Variants in C2orf76 observed in about 807,000 individuals in gnomAD.
C2orf76 encodes UPF0538 protein C2orf76.
A neutral mutation model predicts 16.9 loss-of-function variants in C2orf76; 23 were observed. That is an observed-to-expected ratio of 1.36 (90% CI 0.98 to 1.93). C2orf76 has a LOEUF of 1.93. C2orf76 is among the 30% of genes most tolerant of loss of function. C2orf76 has a pLI of 0.00. For synonymous variants in C2orf76, 48 were observed against 52.3 expected (o/e 0.92, Z 0.35); for missense variants, 152 against 152.6 (o/e 1.00, Z 0.02).
Position 119,353,163 on chromosome 2 carries a change from CA to C in C2orf76, c.-12-13193del, listed in dbSNP as rs143456052. On this transcript the variant is annotated intron_variant, in intron 1 of 5. Coordinates refer to ENST00000334816, the MANE Select transcript of C2orf76 (RefSeq NM_001322331.2). ...ATAGCATTCAAATATGTCATTTTATCAAAAAAAAAATGTTGTTTAAGGCCAG... is the reference window on the plus strand; with the variant it reads ...ATAGCATTCAAATATGTCATTTTATCAAAAAAAAATGTTGTTTAAGGCCAG... Among the ~76,000 whole-genome samples, 67 of 147,978 alleles carry C rather than the reference CA, an allele frequency of 4.5e-4. 1 individual carries two copies. The highest frequency in any genetic ancestry group is 8.4e-4 in the African/African-American group (34 of 40,422).
the C2orf76 span, among the ~76,000 whole-genome samples, chr2:119,290,600 C>T: frequency 1.3e-5 from 2 of 151,946 alleles, no homozygotes; most frequent in African/African-American, 4.8e-5. Flanking sequence ...GAGGCGAAGG[C>T]GGGTGGATCA....
chr2:119,299,060 G>A (rs1242532697), downstream of C2orf76, among the ~76,000 whole-genome samples: 1 of 151,986 alleles, frequency 6.6e-6, no homozygotes, highest in South Asian at 2.1e-4. Flanking sequence ...GAACTACAGG[G>A]GCAAATTACC....
intron 4 of C2orf76, 62 bp from the exon 5 acceptor site, chr2:119,311,765 T>C (rs1678999857): frequency 1.4e-6 from 2 of 1,433,070 alleles, no homozygotes; most frequent in Non-Finnish European, 1.9e-6. Context: ...TTGGTGAGAC[T>C]TCTCAAAGAC....
chr2:119,303,054 T>G (rs1021166399), intron 5 of C2orf76, among the ~76,000 whole-genome samples: 14 of 152,198 alleles, frequency 9.2e-5, no homozygotes, highest in African/African-American at 3.1e-4. Context: ...CCCATCAAAA[T>G]ATGTGTCTGA....
At chr2:119,335,995 T>C (rs1375862686) in intron 2 of C2orf76, among the ~76,000 whole-genome samples, 2 of 152,336 alleles carry the variant, frequency 1.3e-5, no homozygotes, top group East Asian at 1.9e-4. Context: ...AATAATTTTA[T>C]GTTATCTAGA....
intron 3 of C2orf76, among the ~76,000 whole-genome samples, chr2:119,319,117 A>G (rs1679266867): frequency 1.3e-5 from 2 of 152,156 alleles, no homozygotes; most frequent in Non-Finnish European, 2.9e-5. Flanking sequence ...GTCTGTTGCA[A>G]TCAACCTGCA....
Position 119,321,222 on chromosome 2 carries a change from T to C in C2orf76, c.134-18A>G, listed in dbSNP as rs1382830833. ...AGGGATATCTACAAGAGAAAGATTA[T>C]TTTTTTACACAATAAGCAAATAGAC... On this transcript the variant is annotated intron_variant, in intron 2 of 5. Transcript: ENST00000334816. 6.1e-6 allele frequency: 8 copies of C among 1,316,890 alleles called. No homozygotes were observed. The East Asian group carries it at 2.0e-4, about 32-fold the overall frequency. 81.6% of individuals were successfully genotyped at this position (1,316,890 alleles called of 1,614,324 possible). A position where few individuals can be genotyped will look rare whatever the true frequency, so the allele number is the denominator to read the frequency against.
intron 2 of C2orf76, among the ~76,000 whole-genome samples, chr2:119,336,168 G>C (rs1019764334): frequency 1.3e-5 from 2 of 152,070 alleles, no homozygotes; most frequent in African/African-American, 4.8e-5. Context: ...GCTGAGGCAG[G>C]CGGATCTCTT....
chr2:119,302,404 T>G lies in C2orf76; in HGVS notation c.*68A>C. On this transcript the variant is annotated 3_prime_UTR_variant, in exon 6 of 6. Transcript: ENST00000334816. ...AATTTTTTAAGATTTGTTTGTCAATTTCAAAAATTCAGCAGTGGAATAAAG... is the reference window on the plus strand; with the variant it reads ...AATTTTTTAAGATTTGTTTGTCAATGTCAAAAATTCAGCAGTGGAATAAAG... 3.2e-6 allele frequency: 2 copies of G among 630,304 alleles called. No homozygotes were observed. The highest frequency in any genetic ancestry group is 1.9e-5 in the African/African-American group (1 of 52,156). 39.0% of individuals were successfully genotyped at this position (630,304 alleles called of 1,614,324 possible). A position where few individuals can be genotyped will look rare whatever the true frequency, so the allele number is the denominator to read the frequency against.
the C2orf76 span, among the ~76,000 whole-genome samples, chr2:119,281,865 G>A: frequency 1.3e-5 from 2 of 152,054 alleles, no homozygotes; most frequent in African/African-American, 4.8e-5. Context: ...TCAACCAGAA[G>A]ACCTGAAAGA....
At chr2:119,348,931 G>A (rs555866057) in intron 1 of C2orf76, among the ~76,000 whole-genome samples, 1 of 152,098 alleles carries the variant, frequency 6.6e-6, no homozygotes, top group Admixed American at 6.5e-5. Flanking sequence ...AGGTTGCCAA[G>A]AGCCAAGATT....
chr2:119,284,530 T>A, the C2orf76 span, among the ~76,000 whole-genome samples: 1 of 152,110 alleles, frequency 6.6e-6, no homozygotes, highest in Non-Finnish European at 1.5e-5. Context: ...GCTTGCATAA[T>A]TTTTATCTGG....
intron 4 of C2orf76, among the ~76,000 whole-genome samples, chr2:119,315,181 TACACACACACATAC>T (rs1335060292): frequency 1.3e-5 from 2 of 151,654 alleles, no homozygotes; most frequent in African/African-American, 4.9e-5. Flanking sequence ...CCATCCATAA[TACACACACACATAC>T]ACACACACAC....
At chr2:119,348,024 G>A (rs1434011820) in intron 1 of C2orf76, among the ~76,000 whole-genome samples, 1 of 137,968 alleles carries the variant, frequency 7.2e-6, no homozygotes, top group African/African-American at 2.8e-5. Flanking sequence ...TCCAGCCTGG[G>A]AAACAGGACA....
Position 119,320,841 on chromosome 2 carries a change from A to T in C2orf76, c.184+313T>A, listed in dbSNP as rs115593579. Among the ~76,000 whole-genome samples, 490 of 152,276 alleles carry T rather than the reference A, an allele frequency of 3.2e-3. 1 individual carries two copies. Among genetic ancestry groups the T allele is most frequent in the African/African-American group, 0.011 (467 of 41,558 alleles). Reference sequence around the variant, plus strand: ...ATAAAACTACTATATAACATGCTCAAATTATTGGCATTTAAAATGTTAAAT... The same window carrying T: ...ATAAAACTACTATATAACATGCTCATATTATTGGCATTTAAAATGTTAAAT... On this transcript the variant is annotated intron_variant, in intron 3 of 5. Transcript: ENST00000334816.
chr2:119,290,107 G>A, the C2orf76 span, among the ~76,000 whole-genome samples: 1 of 151,754 alleles, frequency 6.6e-6, no homozygotes, highest in African/African-American at 2.4e-5. Flanking sequence ...CCCCTGCATG[G>A]GAGTCACCAT....
At chr2:119,366,609 T>C in intron 1 of C2orf76, 181 bp downstream of exon 1, 1 of 436,470 alleles carries the variant, frequency 2.3e-6, no homozygotes, top group South Asian at 1.7e-5. Flanking sequence ...GAGATGCAAC[T>C]TCCGGCCTCT....
At chr2:119,315,694 AG>A (rs1679146871) in intron 4 of C2orf76, among the ~76,000 whole-genome samples, 1 of 152,208 alleles carries the variant, frequency 6.6e-6, no homozygotes, top group Non-Finnish European at 1.5e-5. Context: ...TTTGGATCAA[AG>A]TTCATAAAGC....
At chr2:119,312,002 C>T (rs752349570) in intron 4 of C2orf76, among the ~76,000 whole-genome samples, 1 of 152,152 alleles carries the variant, frequency 6.6e-6, no homozygotes, top group Non-Finnish European at 1.5e-5. Flanking sequence ...CTCTCTAGGA[C>T]TCGATTTCCT....
Sources: gnomAD v4.1 joint callset for allele counts (sites outside exome capture counted in the v4.1 genomes callset) on GRCh38, gnomAD v4.1.1 for gene constraint, MANE v1.5 for transcripts, NCBI Gene and HGNC (gene_info 2026-07-23, HGNC 2026-07-21) for gene names.